BBS12: variants seen among roughly 807,000 people sequenced by gnomAD.
BBS12 encodes chaperonin-containing T-complex member BBS12.
BBS12 carries 5 observed loss-of-function variants against 5.6 expected under a neutral mutation model. That is an observed-to-expected ratio of 0.89 (90% confidence interval 0.46 to 1.86). BBS12 has a LOEUF of 1.86. BBS12 is among the 40% of genes most tolerant of loss of function. BBS12 has a pLI of 0.01. For missense variants in BBS12, 748 were observed against 830.4 expected, an observed-to-expected ratio of 0.90 and a Z score of 1.22; for synonymous variants, 308 against 306.8, an observed-to-expected ratio of 1.00 and a Z score of -0.04.
the BBS12 span, among the ~76,000 whole-genome samples, chr4:122,720,896 A>T: frequency 6.6e-6 from 1 of 151,476 alleles, no homozygotes; most frequent in Non-Finnish European, 1.5e-5. Context: ...ATAAAAAAAA[A>T]AAAGCCACAT....
At position 122,743,691 on chromosome 4, in the gene BBS12, C is replaced by G; in HGVS notation, c.1799C>G (p.Ser600Ter). Residue 600 changes from serine (S) to a stop codon, truncating the protein, a stop_gained, in exon 2 of 2, where the codon TCA becomes TGA. Transcript: ENST00000314218. LOFTEE classifies it low-confidence loss of function (END_TRUNC). ...GCAAATGGATGGCAGAAATACCTTT[C>G]AACTCTCCTATATAACACTGCCAAT... ...FLANGWQKYL[S>*]TLLYNTANYS... The G allele has an allele frequency of 1.2e-6, 2 of 1,614,160 alleles. No individual in the cohort carries two copies. The highest frequency in any genetic ancestry group is 1.7e-6 in the Non-Finnish European group (2 of 1,180,028).
rs757252848 is a variant in BBS12 at position 122,743,045 on chromosome 4, A to G, written c.1153A>G (p.Met385Val). 1.2e-6 allele frequency: 2 copies of G among 1,614,278 alleles called. No individual in the cohort carries two copies. Among genetic ancestry groups the G allele is most frequent in the Non-Finnish European group, 8.5e-7 (1 of 1,180,056 alleles). ...SANIKTVLDS[M>V]RLQEDSSEEL... ...AAATATTAAAACAGTATTAGATAGC[A>G]TGCGGCTTCAAGAAGACAGCTCAGA... Residue 385 changes from methionine (M) to valine (V), a missense_variant, in exon 2 of 2, where the codon ATG becomes GTG. Physicochemically the swap from Met to Val is conservative, Grantham distance 21. Coordinates refer to ENST00000314218, the MANE Select transcript of BBS12 (RefSeq NM_152618.3).
chr4:122,743,709 C>T lies in BBS12; in HGVS notation c.1817C>T (p.Thr606Ile). ...TACCTTTCAACTCTCCTATATAACA[C>T]TGCCAATTACTCATCAGAATTTGAA... The part of the protein sequence containing the change: ...QKYLSTLLYN[T>I]ANYSSEFEAS... The change falls in exon 2 of 2, where the codon ACT (threonine) becomes ATT (isoleucine). Residue 606 changes from threonine to isoleucine, a missense_variant. By Grantham distance (89) the Thr-to-Ile change is moderately conservative. Transcript: ENST00000314218. The T allele has an allele frequency of 1.2e-6, 2 of 1,614,208 alleles. No individual in the cohort carries two copies. The highest frequency in any genetic ancestry group is 1.1e-5 in the South Asian group (1 of 91,090).
At chr4:122,707,962 TTC>T in the BBS12 span, among the ~76,000 whole-genome samples, 779 of 150,694 alleles carry the variant, frequency 5.2e-3, 13 homozygotes, top group African/African-American at 0.018. Flanking sequence ...CCTTCCTTCC[TTC>T]CTTCCTTCCT....
At position 122,743,254 on chromosome 4, in the gene BBS12, G is replaced by A. The variant is rs1800918797; in HGVS notation, c.1362G>A (p.Val454=). ...AFAEAAGAVQ[V]AYITQVNEDC... is the part of the protein sequence containing the mutation. Reference sequence around the variant, plus strand: ...CAGAGGCTGCAGGAGCAGTACAGGTGGCCTACATTACACAAGTGAATGAAG... The same window carrying A: ...CAGAGGCTGCAGGAGCAGTACAGGTAGCCTACATTACACAAGTGAATGAAG... The change falls in exon 2 of 2, where the codon GTG becomes GTA. Residue 454 remains valine, a synonymous_variant. Transcript: ENST00000314218. The A allele has an allele frequency of 6.2e-7, 1 of 1,614,074 alleles. No homozygotes were observed. The highest frequency in any genetic ancestry group is 2.2e-5 in the East Asian group (1 of 44,904).
the BBS12 span, among the ~76,000 whole-genome samples, chr4:122,716,581 A>G: frequency 6.7e-6 from 1 of 148,856 alleles, no homozygotes; most frequent in Non-Finnish European, 1.5e-5. Flanking sequence ...ACATATGTAT[A>G]TATACACATA....
At chr4:122,721,262 C>T in the BBS12 span, among the ~76,000 whole-genome samples, 2 of 151,992 alleles carry the variant, frequency 1.3e-5, no homozygotes, top group South Asian at 2.1e-4. Flanking sequence ...TGAAGAGCAC[C>T]AGTTTATAAA....
intron 1 of BBS12, among the ~76,000 whole-genome samples, chr4:122,741,548 G>GA (rs1360994403): frequency 6.6e-6 from 1 of 152,056 alleles, no homozygotes; most frequent in Non-Finnish European, 1.5e-5. Flanking sequence ...AATACACTAT[G>GA]TTTTTTTCAC....
At chr4:122,702,609 T>A in the BBS12 span, among the ~76,000 whole-genome samples, 2 of 152,220 alleles carry the variant, frequency 1.3e-5, no homozygotes, top group Non-Finnish European at 2.9e-5. Flanking sequence ...CAACTGGGCC[T>A]GCCTGGAATA....
At chr4:122,733,376 AACACACAC>A (rs3034555) in intron 1 of BBS12, among the ~76,000 whole-genome samples, 3,045 of 88,148 alleles carry the variant, frequency 0.035, 245 homozygotes, top group Admixed American at 0.077. Flanking sequence ...CTCCAACCCC[AACACACAC>A]ACACACACAC....
chr4:122,702,052 A>C, the BBS12 span, among the ~76,000 whole-genome samples: 1 of 152,210 alleles, frequency 6.6e-6, no homozygotes, highest in Non-Finnish European at 1.5e-5. Flanking sequence ...ATTTCTTCTA[A>C]AGATCCAGGT....
intron 1 of BBS12, among the ~76,000 whole-genome samples, chr4:122,734,294 CCTG>C (rs1800752651): frequency 6.6e-6 from 1 of 151,458 alleles, no homozygotes; most frequent in Non-Finnish European, 1.5e-5. Flanking sequence ...GAGACCGAGT[CCTG>C]CTCTGTCGCC....
rs185158462 is a variant in BBS12, at chr4:122,741,030, T to C, written c.-10-853T>C. Among the ~76,000 whole-genome samples, 626 of 152,312 alleles carry C rather than the reference T, an allele frequency of 4.1e-3. 3 individuals are homozygous for C. Among genetic ancestry groups the C allele is most frequent in the African/African-American group, 0.013 (561 of 41,558 alleles). ...ACATGTTTTCAAACACTACATCAAGTTGTTTCTTGATCTTTTTTATTAAAA... is the reference window on the plus strand; with the variant it reads ...ACATGTTTTCAAACACTACATCAAGCTGTTTCTTGATCTTTTTTATTAAAA... On this transcript the variant is annotated intron_variant, in intron 1 of 1. Transcript: ENST00000314218.
At chr4:122,738,696 C>T (rs931402111) in intron 1 of BBS12, among the ~76,000 whole-genome samples, 1 of 151,972 alleles carries the variant, frequency 6.6e-6, no homozygotes, top group Non-Finnish European at 1.5e-5. Context: ...TTTAAATGGT[C>T]AAAAGACTTG....
the BBS12 span, among the ~76,000 whole-genome samples, chr4:122,716,072 A>G: frequency 6.6e-5 from 10 of 152,196 alleles, no homozygotes; most frequent in African/African-American, 2.2e-4. Context: ...AAGAGATGCT[A>G]AAGTATACAG....
chr4:122,719,945 A>G, the BBS12 span, among the ~76,000 whole-genome samples: 2 of 152,226 alleles, frequency 1.3e-5, no homozygotes, highest in Admixed American at 1.3e-4. Flanking sequence ...CAAAGAATCA[A>G]AATGATCCTC....
Position 122,743,552 on chromosome 4 carries a change from G to T in BBS12, c.1660G>T (p.Ala554Ser), listed in dbSNP as rs1800929603. ...FLCLSCLHIL[A>S]EQSLKKENHA... is the part of the protein sequence containing the mutation. ...GTGTCTTAGCTGTCTTCATATTCTTGCAGAGCAATCTCTGAAAAAAGAAAA... is the reference window on the plus strand; with the variant it reads ...GTGTCTTAGCTGTCTTCATATTCTTTCAGAGCAATCTCTGAAAAAAGAAAA... The change falls in exon 2 of 2, where the codon GCA becomes TCA. Residue 554 changes from alanine to serine, a missense_variant. By Grantham distance (99) the Ala-to-Ser change is moderately conservative. Coordinates refer to ENST00000314218, the MANE Select transcript of BBS12 (RefSeq NM_152618.3). 1.2e-6 allele frequency: 2 copies of T among 1,614,020 alleles called. No homozygotes were observed. The highest frequency in any genetic ancestry group is 1.3e-5 in the African/African-American group (1 of 74,900).
At chr4:122,715,935 TAA>T in the BBS12 span, among the ~76,000 whole-genome samples, 3 of 152,228 alleles carry the variant, frequency 2.0e-5, no homozygotes, top group Non-Finnish European at 2.9e-5. Context: ...ACTCTTTTGT[TAA>T]GTGTGAAGAA....
chr4:122,731,325 TTCTC>T (rs1478660263), upstream of BBS12: 2 of 152,214 alleles, frequency 1.3e-5, no homozygotes, highest in African/African-American at 4.8e-5. Flanking sequence ...TCTGGCCCCA[TTCTC>T]TCTATCCTGC....
Sources: allele counts gnomAD v4.1 joint callset (sites outside exome capture counted in the v4.1 genomes callset), GRCh38; gene constraint gnomAD v4.1.1; transcripts MANE v1.5; gene names NCBI Gene and HGNC (gene_info 2026-07-23, HGNC 2026-07-21).